The following TRIM7 variants were observed in gnomAD, a reference collection of about 807,000 sequenced individuals.
TRIM7 encodes the protein E3 ubiquitin-protein ligase TRIM7.
TRIM7 carries 32 observed loss-of-function variants against 37.9 expected under a neutral mutation model. That is an observed-to-expected ratio of 0.84 (90% CI 0.64 to 1.13). TRIM7 has a LOEUF of 1.13. TRIM7 is among the 50% of genes most tolerant of loss of function. TRIM7 has a pLI of 0.00. For missense variants in TRIM7, 732 were observed against 714.0 expected (o/e 1.03, Z -0.29); for synonymous variants, 351 against 321.3 (o/e 1.09, Z -0.99).
At chr5:181,201,175 C>T (rs1000956790) in intron 2 of TRIM7, among the ~76,000 whole-genome samples, 1 of 152,234 alleles carries the variant, frequency 6.6e-6, no homozygotes, top group African/African-American at 2.4e-5. Context: ...GGGCCAGATA[C>T]TTCTTGGTTG....
intron 1 of TRIM7, chr5:181,204,151 TCTCA>T: frequency 1.0e-6 from 1 of 1,003,168 alleles, no homozygotes; most frequent in Non-Finnish European, 1.2e-6. Flanking sequence ...GGCGAGGTCC[TCTCA>T]CTCAGTTCCA....
chr5:181,198,930 G>T, intron 4 of TRIM7, 125 bp from the exon 5 acceptor site: 1 of 1,188,560 alleles, frequency 8.4e-7, no homozygotes, highest in Non-Finnish European at 1.2e-6. Flanking sequence ...ACCTCATGCA[G>T]AAAAACCCAT....
Position 181,195,549 on chromosome 5 carries a change from G to T in TRIM7, c.1153C>A (p.Arg385Ser), listed in dbSNP as rs749285913. 3 of 1,611,782 alleles carry T rather than the reference G, an allele frequency of 1.9e-6. No homozygotes were observed. Among genetic ancestry groups the T allele is most frequent in the African/African-American group, 2.7e-5 (2 of 75,022 alleles). The change falls in exon 7 of 7, where the codon CGC (arginine) becomes AGC (serine). Residue 385 changes from arginine (R) to serine (S), a missense_variant. By Grantham distance (110) the Arg-to-Ser change is moderately radical. Coordinates refer to ENST00000274773, the MANE Select transcript of TRIM7 (RefSeq NM_203293.3). ...GAGAAGCCGCAGGACGCCAGGACGC[G>T]GGTGTTGGTGTCGAAGCGGCAGGGG... ...NHPCRFDTNT[R>S]VLASCGFSSG...
rs1478841147 is a variant in TRIM7, at chr5:181,204,758, G to C, written c.353C>G (p.Ser118Cys). The change falls in exon 1 of 7, where the codon TCT becomes TGT. Residue 118 changes from serine to cysteine, a missense_variant. Ser to Cys is a moderately radical substitution (Grantham distance 112). Transcript: ENST00000274773. The part of the protein sequence containing the change: ...LPAAAPGEHG[S>C]QAAAARAAAA... ...CGCTGCCCGGGCCGCGGCCGCCTGA[G>C]ACCCGTGCTCTCCCGGGGCAGCCGC... is the stretch of plus-strand genomic sequence containing the variant. 7.6e-6 allele frequency: 11 copies of C among 1,453,040 alleles called. No homozygotes were observed. Among genetic ancestry groups the C allele is most frequent in the African/African-American group, 1.5e-5 (1 of 66,820 alleles). 90.0% of individuals were successfully genotyped at this position (1,453,040 alleles called of 1,614,324 possible).
chr5:181,195,028 T>G lies in TRIM7; in HGVS notation c.*138A>C. 9.3e-7 allele frequency: 1 copy of G among 1,079,452 alleles called. No homozygotes were observed. Among genetic ancestry groups the G allele is most frequent in the Non-Finnish European group, 1.3e-6 (1 of 761,022 alleles). 66.9% of individuals were successfully genotyped at this position (1,079,452 alleles called of 1,614,324 possible). A position where few individuals can be genotyped will look rare whatever the true frequency, so the allele number is the denominator to read the frequency against. ...CCACAGTCACTCTCCTGCCTCGGGG[T>G]TGTGTCTGTAGCAGGCTCTCTTGGG... On this transcript the variant is annotated 3_prime_UTR_variant, in exon 7 of 7. Coordinates refer to ENST00000274773, the MANE Select transcript of TRIM7 (RefSeq NM_203293.3).
At chr5:181,195,822 C>T in intron 6 of TRIM7, 145 bp from the exon 7 acceptor site, 5 of 1,023,194 alleles carry the variant, frequency 4.9e-6, no homozygotes, top group Non-Finnish European at 6.7e-6. Context: ...CCCAACCAAC[C>T]CCCACGCTCT....
chr5:181,198,047 G>C, intron 6 of TRIM7, 136 bp downstream of exon 6: 1 of 832,444 alleles, frequency 1.2e-6, no homozygotes, highest in South Asian at 1.6e-5. Context: ...TGGGGGAGGG[G>C]ACAGAGGAAC....
intron 2 of TRIM7, among the ~76,000 whole-genome samples, chr5:181,201,984 G>A (rs1757516418): frequency 6.6e-6 from 1 of 152,120 alleles, no homozygotes; most frequent in African/African-American, 2.4e-5. Flanking sequence ...AGGAAAGTGA[G>A]TGATGAGGTA....
At position 181,195,653 on chromosome 5, in the gene TRIM7, G is replaced by C; in HGVS notation, c.1049C>G (p.Thr350Arg). The C allele has an allele frequency of 2.6e-6, 4 of 1,528,698 alleles. No individual in the cohort carries two copies. Among genetic ancestry groups the C allele is most frequent in the Non-Finnish European group, 3.5e-6 (4 of 1,135,300 alleles). The allele number at this position is 1,528,698 out of a possible 1,614,324, so 94.7% of individuals were successfully genotyped here. Residue 350 changes from threonine (T) to arginine (R), a missense_variant, in exon 7 of 7, where the codon ACG becomes AGG. Transcript: ENST00000274773. ...AGAGAGGATGAGGCGCGGGTTGGCC[G>C]TGTCGGGATCCAAGGTGAGCTCCAC... is the stretch of plus-strand genomic sequence containing the variant. ...EKVELTLDPDTANPRLILSLD... is the reference protein window; with the variant it reads ...EKVELTLDPDRANPRLILSLD...
Position 181,194,279 on chromosome 5 carries a change from C to G in TRIM7, c.*887G>C, listed in dbSNP as rs762168556. 6.6e-6 allele frequency: 1 copy of G among 152,286 alleles called. No individual in the cohort carries two copies. Among genetic ancestry groups the G allele is most frequent in the African/African-American group, 2.4e-5 (1 of 41,464 alleles). 9.4% of individuals were successfully genotyped at this position (152,286 alleles called of 1,614,324 possible). On this transcript the variant is annotated 3_prime_UTR_variant, in exon 7 of 7. Transcript: ENST00000274773. ...AAAGTTCGGGTACAGCGGCTCACAC[C>G]TGTAATCCCAGCTCTTAGGGAGATG...
At chr5:181,204,509 C>G in intron 1 of TRIM7, 80 bp downstream of exon 1, 1 of 1,290,136 alleles carries the variant, frequency 7.8e-7, no homozygotes, top group South Asian at 2.1e-5. Flanking sequence ...ACAGGCTGTT[C>G]TCTGCACCCC....
At chr5:181,198,403 T>G in intron 5 of TRIM7, 185 bp from the exon 6 acceptor site, 1 of 680,850 alleles carries the variant, frequency 1.5e-6, no homozygotes, top group Non-Finnish European at 2.6e-6. Flanking sequence ...CCAAGCATTC[T>G]AGCTCTACCC....
chr5:181,194,983 CT>C lies in TRIM7; in HGVS notation c.*182del. The stretch of plus-strand genomic sequence containing the variant: ...GAACACCCTCAGGAGTCCAAAGCCC[CT>C]GTTCCCCTGCTCGGTTGGCCACAGT... On this transcript the variant is annotated 3_prime_UTR_variant, in exon 7 of 7. Transcript: ENST00000274773. The C allele has an allele frequency of 1.5e-6, 1 of 680,878 alleles. No individual in the cohort carries two copies. Among genetic ancestry groups the C allele is most frequent in the South Asian group, 2.1e-5 (1 of 46,748 alleles). 42.2% of individuals were successfully genotyped at this position (680,878 alleles called of 1,614,324 possible).
At chr5:181,198,892 C>T (rs1305128134) in intron 4 of TRIM7, 87 bp from the exon 5 acceptor site, 2 of 1,218,856 alleles carry the variant, frequency 1.6e-6, no homozygotes, top group East Asian at 2.3e-5. Flanking sequence ...GTCCTCTTGG[C>T]AGAAAGAGGT....
Position 181,204,949 on chromosome 5 carries a change from C to T in TRIM7, c.162G>A (p.Gly54=). The T allele has an allele frequency of 4.1e-6, 6 of 1,459,560 alleles. No individual in the cohort carries two copies. Among genetic ancestry groups the T allele is most frequent in the South Asian group, 2.7e-5 (2 of 74,954 alleles). The allele number at this position is 1,459,560 out of a possible 1,614,324, so 90.4% of individuals were successfully genotyped here. A position where few individuals can be genotyped will look rare whatever the true frequency, so the allele number is the denominator to read the frequency against. ...CCGCGCCCGGGCGCTCCCAGCAGCG[C>T]CCTATGCAGGCGCGGCAGAAGCTGT... is the stretch of plus-strand genomic sequence containing the variant. The part of the protein sequence containing the change: ...CGHSFCRACI[G]RCWERPGAGS... The change falls in exon 1 of 7, where the codon GGG becomes GGA. Residue 54 remains glycine, a synonymous_variant. Coordinates refer to ENST00000274773, the MANE Select transcript of TRIM7 (RefSeq NM_203293.3).
At position 181,195,020 on chromosome 5, in the gene TRIM7, C is replaced by T; in HGVS notation, c.*146G>A. On this transcript the variant is annotated 3_prime_UTR_variant, in exon 7 of 7. Coordinates refer to ENST00000274773, the MANE Select transcript of TRIM7 (RefSeq NM_203293.3). ...TCGGTTGGCCACAGTCACTCTCCTG[C>T]CTCGGGGTTGTGTCTGTAGCAGGCT... The T allele has an allele frequency of 9.8e-7, 1 of 1,023,958 alleles. No homozygotes were observed. 63.4% of individuals were successfully genotyped at this position (1,023,958 alleles called of 1,614,324 possible).
In TRIM7 at chr5:181,205,144, C is replaced by A; in HGVS notation, c.-34G>T. The A allele has an allele frequency of 7.8e-7, 1 of 1,280,906 alleles. No individual in the cohort carries two copies. The allele number at this position is 1,280,906 out of a possible 1,614,324, so 79.3% of individuals were successfully genotyped here. On this transcript the variant is annotated 5_prime_UTR_variant, in exon 1 of 7. It adds an upstream start codon to the 5' untranslated region. Transcript: ENST00000274773. ...TCCGCGCACCCAGATCTGGTCGCGC[C>A]TGGGCGGCCACTGGACCTCACAGGA...
intron 4 of TRIM7, 57 bp from the exon 5 acceptor site, chr5:181,198,862 G>T: frequency 7.2e-7 from 1 of 1,382,388 alleles, no homozygotes; most frequent in Non-Finnish European, 1.0e-6. Context: ...CCCACAGGCT[G>T]TGACAATTAG....
At chr5:181,200,388 C>G (rs574925837) in intron 2 of TRIM7, 2 of 1,375,360 alleles carry the variant, frequency 1.5e-6, no homozygotes, top group Admixed American at 7.0e-5. Flanking sequence ...CTGCAGCTTC[C>G]TCACTTGAAA....
Sources: allele counts gnomAD v4.1 joint callset (sites outside exome capture counted in the v4.1 genomes callset), GRCh38; gene constraint gnomAD v4.1.1; transcripts MANE v1.5; gene names NCBI Gene and HGNC (gene_info 2026-07-23, HGNC 2026-07-21).